MINDY3: variants seen among roughly 807,000 people sequenced by gnomAD.
MINDY3 encodes the protein ubiquitin carboxyl-terminal hydrolase MINDY-3.
MINDY3 carries 38 observed loss-of-function variants against 69.2 expected under a neutral mutation model. The observed-to-expected ratio is 0.55, with a 90% confidence interval of 0.42 to 0.72. The LOEUF (loss-of-function observed/expected upper bound fraction) is 0.72, where lower values mean the gene tolerates loss of function less well. MINDY3 is among the 30% of genes least tolerant of loss of function. The probability of loss-of-function intolerance (pLI) is 0.00; values close to 1 mark genes in which losing one functional copy is unlikely to be tolerated. For synonymous variants in MINDY3, 192 were observed against 180.1 expected, an observed-to-expected ratio of 1.07 and a Z score of -0.53; for missense variants, 522 against 519.0, an observed-to-expected ratio of 1.01 and a Z score of -0.06.
chr10:15,798,440 A>T (rs1454991309), intron 10 of MINDY3, among the ~76,000 whole-genome samples: 1 of 150,918 alleles, frequency 6.6e-6, no homozygotes, highest in Non-Finnish European at 1.5e-5. Context: ...AAACTACCTG[A>T]TGCCTTGTCT....
Position 15,841,499 on chromosome 10 carries a change from T to A in MINDY3, c.336A>T (p.Arg112Ser). The change falls in exon 4 of 15, where the codon AGA becomes AGT. Residue 112 changes from arginine (R) to serine (S), a missense_variant. Arg to Ser is a moderately radical substitution (Grantham distance 110, BLOSUM62 -1). Transcript: ENST00000277632. ...TAGCAGTTTCCTCAGTTGTCTTTCC[T>A]CTTAACCATGAAACCAAGCAGTATG... ...SGSYCLVSWL[R>S]GKTTEETASI... 6.2e-7 allele frequency: 1 copy of A among 1,612,164 alleles called. No individual in the cohort carries two copies. Among genetic ancestry groups the A allele is most frequent in the South Asian group, 1.1e-5 (1 of 91,000 alleles).
chr10:15,848,633 CAAAAAAAAAAAAAAAA>C (rs10719399), intron 1 of MINDY3, among the ~76,000 whole-genome samples: 1 of 48,792 alleles, frequency 2.0e-5, no homozygotes, highest in Admixed American at 3.4e-4. Context: ...GACTTCATCT[CAAAAAAAAAAAAAAAA>C]AAAAAAAAAA....
At chr10:15,826,349 C>G (rs190719614) in intron 8 of MINDY3, among the ~76,000 whole-genome samples, 32 of 152,220 alleles carry the variant, frequency 2.1e-4, no homozygotes, top group African/African-American at 7.5e-4. Context: ...TATTTCTGTT[C>G]TATTGGAGAA....
In MINDY3 at chr10:15,841,448, A is replaced by G. The variant is rs147695290; in HGVS notation, c.387T>C (p.Ser129=). The change falls in exon 4 of 15, where the codon TCT becomes TCC. Residue 129 remains serine (S), a synonymous_variant. Coordinates refer to ENST00000277632, the MANE Select transcript of MINDY3 (RefSeq NM_024948.4). ...TACAAGAATGTTCCACTTGGCAACT[A>G]GACTCTGCAGGACTCCCAGAAATAC... The part of the protein sequence containing the change: ...TASISGSPAE[S]SCQVEHSSAL... The G allele has an allele frequency of 5.3e-5, 85 of 1,610,542 alleles. 1 individual carries two copies. The East Asian group carries it at 1.9e-3, about 36-fold the overall frequency.
intron 10 of MINDY3, among the ~76,000 whole-genome samples, chr10:15,815,420 C>T (rs1839285677): frequency 6.6e-6 from 1 of 152,168 alleles, no homozygotes; most frequent in Non-Finnish European, 1.5e-5. Context: ...TAATTACATT[C>T]ACGAAACTTA....
chr10:15,789,135 A>G (rs1015643795), intron 12 of MINDY3, 112 bp downstream of exon 12: 6 of 652,924 alleles, frequency 9.2e-6, no homozygotes, highest in South Asian at 2.0e-5. Flanking sequence ...ATAGATTGCT[A>G]TGCTTCATAT....
At chr10:15,789,368 G>T in intron 11 of MINDY3, 49 bp from the exon 12 acceptor site, 1 of 1,418,768 alleles carries the variant, frequency 7.0e-7, no homozygotes, top group Non-Finnish European at 9.9e-7. Flanking sequence ...TTTACTTCAA[G>T]AAATGCTATT....
At chr10:15,801,812 T>TGAGTTCATAGGATTTACA (rs1225009894) in intron 10 of MINDY3, among the ~76,000 whole-genome samples, 2 of 151,926 alleles carry the variant, frequency 1.3e-5, no homozygotes, top group African/African-American at 4.8e-5. Flanking sequence ...ATATTGTGCA[T>TGAGTTCATAGGATTTACA]GAGTTCATAG....
At chr10:15,842,651 A>G (rs1833555373) in intron 3 of MINDY3, among the ~76,000 whole-genome samples, 2 of 151,856 alleles carry the variant, frequency 1.3e-5, no homozygotes, top group African/African-American at 2.4e-5. Flanking sequence ...ATTTACTGTG[A>G]GGTTCACAGG....
chr10:15,843,517 T>C (rs1344463785), intron 2 of MINDY3, among the ~76,000 whole-genome samples: 1 of 152,082 alleles, frequency 6.6e-6, no homozygotes, highest in African/African-American at 2.4e-5. Flanking sequence ...ACATATTTTC[T>C]GACAAGTAGA....
At chr10:15,822,944 T>C (rs1385855000) in intron 8 of MINDY3, among the ~76,000 whole-genome samples, 5 of 152,184 alleles carry the variant, frequency 3.3e-5, no homozygotes, top group Non-Finnish European at 7.4e-5. Context: ...TCTTTCTGGG[T>C]AAAAATTATG....
chr10:15,832,985 G>A (rs561669140), intron 8 of MINDY3, among the ~76,000 whole-genome samples: 1 of 152,326 alleles, frequency 6.6e-6, no homozygotes, highest in Non-Finnish European at 1.5e-5. Context: ...CTTAATGTAA[G>A]TTAAATGAAT....
intron 1 of MINDY3, 83 bp downstream of exon 1, chr10:15,860,107 AGCGGGGCACGCGAGGG>A: frequency 1.1e-6 from 1 of 876,266 alleles, no homozygotes; most frequent in African/African-American, 1.7e-5. Flanking sequence ...TGGGGCAGAG[AGCGGGGCACGCGAGGG>A]GCTGGAGCGA....
At chr10:15,821,121 T>A (rs1224325922) in intron 9 of MINDY3, among the ~76,000 whole-genome samples, 4 of 152,130 alleles carry the variant, frequency 2.6e-5, no homozygotes, top group Non-Finnish European at 5.9e-5. Flanking sequence ...CAGCAATAAA[T>A]GAGAGTTCCA....
intron 10 of MINDY3, 96 bp downstream of exon 10, chr10:15,816,739 G>A (rs996487659): frequency 1.2e-6 from 1 of 822,904 alleles, no homozygotes; most frequent in Non-Finnish European, 2.1e-6. Flanking sequence ...TGTGGGAATA[G>A]ACTGAAGTTT....
Position 15,831,673 on chromosome 10 carries a change from CTTT to C in MINDY3, c.730+1954_730+1956del, listed in dbSNP as rs10716234. The stretch of plus-strand genomic sequence containing the variant: ...AGAGCTGCCTAAGGAGCCTCCTTTT[CTTT>C]TTTTTTTTTTTTTTTTTGAGATGGA... On this transcript the variant is annotated intron_variant, in intron 8 of 14. Transcript: ENST00000277632. 2.0e-4 allele frequency among the ~76,000 whole-genome samples: 24 copies of C among 121,352 alleles called. 1 individual carries two copies. The highest frequency in any genetic ancestry group is 8.3e-4 in the Admixed American group (10 of 12,120). 79.6% of individuals were successfully genotyped at this position (121,352 alleles called of 152,430 possible).
intron 11 of MINDY3, among the ~76,000 whole-genome samples, chr10:15,795,432 G>A (rs7904872): frequency 1.3e-5 from 2 of 151,856 alleles, no homozygotes; most frequent in South Asian, 2.1e-4. Flanking sequence ...AGGACTTCAC[G>A]GATACAGCAA....
At chr10:15,837,022 G>A (rs927151658) in intron 6 of MINDY3, among the ~76,000 whole-genome samples, 182 bp downstream of exon 6, 5 of 151,858 alleles carry the variant, frequency 3.3e-5, no homozygotes, top group African/African-American at 1.2e-4. Flanking sequence ...AAAGAGCAGA[G>A]GTGAAACTGC....
intron 10 of MINDY3, among the ~76,000 whole-genome samples, chr10:15,814,431 C>T (rs1215556332): frequency 6.6e-6 from 1 of 151,522 alleles, no homozygotes; most frequent in South Asian, 2.1e-4. Flanking sequence ...GAAATTTGTA[C>T]AAAAGTTTTA....
Sources: gnomAD v4.1 joint callset for allele counts (sites outside exome capture counted in the v4.1 genomes callset) on GRCh38, gnomAD v4.1.1 for gene constraint, MANE v1.5 for transcripts, NCBI Gene and HGNC (gene_info 2026-07-23, HGNC 2026-07-21) for gene names.